NR3C2: variants seen among roughly 807,000 people sequenced by gnomAD.
NR3C2 encodes mineralocorticoid receptor.
NR3C2 carries 15 observed loss-of-function variants against 86.4 expected under a neutral mutation model. The observed-to-expected ratio is 0.17, with a 90% CI of 0.12 to 0.27. The LOEUF (loss-of-function observed/expected upper bound fraction) is 0.27, where lower values mean the gene tolerates loss of function less well. Ranked by LOEUF, NR3C2 falls within the 10% of genes least tolerant of loss-of-function variation. The pLI, the probability that NR3C2 is intolerant of heterozygous loss-of-function variation, is 1.00. For missense variants in NR3C2, 960 were observed against 1,195.6 expected, an observed-to-expected ratio of 0.80 and a Z score of 2.91; for synonymous variants, 458 against 450.5, an observed-to-expected ratio of 1.02 and a Z score of -0.21.
intron 3 of NR3C2, among the ~76,000 whole-genome samples, chr4:148,215,924 C>T (rs569324835): frequency 2.0e-4 from 30 of 151,830 alleles, no homozygotes; most frequent in Admixed American, 3.3e-4. Context: ...GGACTATAGG[C>T]GCCCACCACC....
intron 2 of NR3C2, among the ~76,000 whole-genome samples, chr4:148,353,387 CTAA>C (rs1488071451): frequency 2.6e-5 from 4 of 151,956 alleles, no homozygotes; most frequent in Admixed American, 6.6e-5. Context: ...AAGAAACCAC[CTAA>C]TAATAGAAGA....
Position 148,231,310 on chromosome 4 carries a change from A to G in NR3C2, c.1897+28668T>C, listed in dbSNP as rs1738448955. On this transcript the variant is annotated intron_variant, in intron 3 of 8. Transcript: ENST00000358102. Reference sequence around the variant, plus strand: ...TTTGCTATAACCATTGATAAATTCTAATATATTCATTGTGAAGATCCAATA... The same window carrying G: ...TTTGCTATAACCATTGATAAATTCTGATATATTCATTGTGAAGATCCAATA... Among the ~76,000 whole-genome samples the G allele has an allele frequency of 3.3e-5, 5 of 152,334 alleles. No homozygotes were observed. In the South Asian group the frequency reaches 6.2e-4, roughly 19 times the overall value.
At chr4:148,362,582 G>A (rs572114045) in intron 2 of NR3C2, among the ~76,000 whole-genome samples, 3 of 151,944 alleles carry the variant, frequency 2.0e-5, no homozygotes, top group South Asian at 2.1e-4. Flanking sequence ...ATTCACTCCC[G>A]CTTTCATCTG....
intron 3 of NR3C2, among the ~76,000 whole-genome samples, chr4:148,255,616 T>A (rs1198670564): frequency 6.6e-6 from 1 of 152,222 alleles, no homozygotes; most frequent in Non-Finnish European, 1.5e-5. Flanking sequence ...GCTCTCTTTC[T>A]CTTTTACAGC....
chr4:148,121,226 G>T (rs976229549), intron 6 of NR3C2, among the ~76,000 whole-genome samples: 1 of 152,198 alleles, frequency 6.6e-6, no homozygotes, highest in Non-Finnish European at 1.5e-5. Flanking sequence ...CTGAAAGCAG[G>T]CAGCGTCTGC....
At chr4:148,089,458 C>T (rs924488468) in intron 8 of NR3C2, among the ~76,000 whole-genome samples, 3 of 152,166 alleles carry the variant, frequency 2.0e-5, no homozygotes, top group Non-Finnish European at 2.9e-5. Context: ...AAATTCCACC[C>T]GACATGGAGC....
At chr4:148,116,699 A>G (rs1732288818) in intron 7 of NR3C2, among the ~76,000 whole-genome samples, 1 of 151,908 alleles carries the variant, frequency 6.6e-6, no homozygotes, top group South Asian at 2.1e-4. Context: ...CTACCTTTTT[A>G]TTTTGCTTCT....
chr4:148,314,065 T>C (rs895384328), intron 2 of NR3C2, among the ~76,000 whole-genome samples: 1 of 152,170 alleles, frequency 6.6e-6, no homozygotes, highest in African/African-American at 2.4e-5. Context: ...ATTCCACATG[T>C]GACTAAGGAA....
Position 148,116,707 on chromosome 4 carries a change from T to G in NR3C2, c.2642-2446A>C, listed in dbSNP as rs1041481374. On this transcript the variant is annotated intron_variant, in intron 7 of 8. Transcript: ENST00000358102. Reference sequence around the variant, plus strand: ...TTTTTTCCTACCTTTTTATTTTGCTTCTTCTGCATTGAAAAAAAATCAGAA... The same window carrying G: ...TTTTTTCCTACCTTTTTATTTTGCTGCTTCTGCATTGAAAAAAAATCAGAA... Among the ~76,000 whole-genome samples the G allele has an allele frequency of 4.6e-5, 7 of 152,118 alleles. No homozygotes were observed. In the East Asian group the frequency reaches 7.7e-4, roughly 17 times the overall value.
chr4:148,223,007 G>T (rs918649144), intron 3 of NR3C2, among the ~76,000 whole-genome samples: 4 of 152,126 alleles, frequency 2.6e-5, no homozygotes, highest in African/African-American at 9.7e-5. Flanking sequence ...AAACAAAAAT[G>T]TGGTAAAGAT....
intron 2 of NR3C2, among the ~76,000 whole-genome samples, chr4:148,358,574 A>G (rs898667210): frequency 4.6e-5 from 7 of 151,894 alleles, no homozygotes; most frequent in African/African-American, 1.7e-4. Context: ...ATACATATGT[A>G]ACTAACCTGC....
intron 2 of NR3C2, among the ~76,000 whole-genome samples, chr4:148,338,718 G>T (rs1416903907): frequency 6.6e-6 from 1 of 152,106 alleles, no homozygotes; most frequent in African/African-American, 2.4e-5. Context: ...TATCTTCTCT[G>T]GACAAGCAGG....
chr4:148,163,991 T>C (rs1734776234), intron 4 of NR3C2, among the ~76,000 whole-genome samples: 1 of 152,002 alleles, frequency 6.6e-6, no homozygotes, highest in Non-Finnish European at 1.5e-5. Context: ...TCAAAGGGGG[T>C]GAGAAGAGGA....
At chr4:148,152,178 T>G (rs6831382) in intron 6 of NR3C2, among the ~76,000 whole-genome samples, 4,171 of 152,284 alleles carry the variant, frequency 0.027, 194 homozygotes, top group African/African-American at 0.095. Context: ...AATTGTGGCT[T>G]TGTACCAGTC....
At chr4:148,115,140 C>T (rs1430004926) in intron 7 of NR3C2, among the ~76,000 whole-genome samples, 3 of 152,140 alleles carry the variant, frequency 2.0e-5, no homozygotes, top group African/African-American at 7.2e-5. Context: ...AGGTAGAAAA[C>T]TAAGGACAAT....
At chr4:148,098,881 T>C (rs1323116016) in intron 8 of NR3C2, among the ~76,000 whole-genome samples, 2 of 152,256 alleles carry the variant, frequency 1.3e-5, no homozygotes, top group Non-Finnish European at 2.9e-5. Context: ...TCTCTATTGC[T>C]TAAGAGTGTC....
chr4:148,183,814 A>G (rs888391591), intron 4 of NR3C2, among the ~76,000 whole-genome samples: 3 of 152,228 alleles, frequency 2.0e-5, no homozygotes, highest in Admixed American at 2.0e-4. Flanking sequence ...AGGATAAGGC[A>G]ACAAATAAAA....
chr4:148,274,285 A>G (rs1359249368), intron 2 of NR3C2, among the ~76,000 whole-genome samples: 2 of 152,240 alleles, frequency 1.3e-5, no homozygotes, highest in Non-Finnish European at 2.9e-5. Context: ...ACAGGTGTAT[A>G]TAGGTTTAGT....
At chr4:148,346,351 C>T (rs1328036634) in intron 2 of NR3C2, among the ~76,000 whole-genome samples, 1 of 152,024 alleles carries the variant, frequency 6.6e-6, no homozygotes, top group African/African-American at 2.4e-5. Context: ...TGATGGGGAA[C>T]AGCGAACAGA....
Sources: gnomAD v4.1 joint callset for allele counts (sites outside exome capture counted in the v4.1 genomes callset) on GRCh38, gnomAD v4.1.1 for gene constraint, MANE v1.5 for transcripts, NCBI Gene and HGNC (gene_info 2026-07-23, HGNC 2026-07-21) for gene names.